The following GREB1L variants were observed in gnomAD, a reference collection of about 807,000 sequenced individuals.
GREB1L encodes GREB1 like retinoic acid receptor coactivator.
GREB1L carries 17 observed loss-of-function variants against 200.8 expected under a neutral mutation model. The ratio of observed to expected loss-of-function variants is 0.08; its 90% CI spans 0.06 to 0.13. The LOEUF is 0.13. Among genes scored for constraint, GREB1L ranks in the 10% least tolerant of loss-of-function variants. The pLI is 1.00. For missense variants in GREB1L, 1,657 were observed against 2,367.7 expected (o/e 0.70, Z 6.23); for synonymous variants, 789 against 893.0 (o/e 0.88, Z 2.08).
intron 15 of GREB1L, among the ~76,000 whole-genome samples, chr18:21,471,626 T>C (rs2035486496): frequency 3.4e-5 from 1 of 29,728 alleles, no homozygotes; most frequent in Admixed American, 3.6e-4. Flanking sequence ...GTTTCTTTTT[T>C]TTTTTTTTTT....
At chr18:21,470,703 A>G (rs887670487) in intron 15 of GREB1L, among the ~76,000 whole-genome samples, 16 of 152,236 alleles carry the variant, frequency 1.1e-4, no homozygotes, top group Non-Finnish European at 1.8e-4. Flanking sequence ...AGCCAAATAT[A>G]TATATCTCAG....
intron 1 of GREB1L, among the ~76,000 whole-genome samples, chr18:21,302,957 G>A (rs13381916): frequency 0.013 from 2,020 of 152,060 alleles, 42 homozygotes; most frequent in African/African-American, 0.046. Flanking sequence ...TCCTGACCTC[G>A]TGATCCACCC....
intron 1 of GREB1L, among the ~76,000 whole-genome samples, chr18:21,323,525 A>G (rs2038980761): frequency 6.6e-6 from 1 of 152,146 alleles, no homozygotes; most frequent in Non-Finnish European, 1.5e-5. Context: ...GCCTCACTCA[A>G]AATAAGAGGA....
Position 21,369,541 on chromosome 18 carries a change from C to T in GREB1L, c.-10+3405C>T, listed in dbSNP as rs187593077. On this transcript the variant is annotated intron_variant, in intron 2 of 32. Coordinates refer to ENST00000424526, the MANE Select transcript of GREB1L (RefSeq NM_001142966.3). ...GTACTTCTTTGTTACAAAGGAAAAA[C>T]AGCATTGTAGTCATGATAGTTTTTA... Among the ~76,000 whole-genome samples the T allele has an allele frequency of 3.4e-3, 519 of 152,178 alleles. 2 individuals are homozygous for T. Among genetic ancestry groups the T allele is most frequent in the Non-Finnish European group, 6.0e-3 (409 of 68,000 alleles).
At chr18:21,268,524 C>CATATATATATGTATAT (rs2038013930) in intron 1 of GREB1L, among the ~76,000 whole-genome samples, 1 of 72,880 alleles carries the variant, frequency 1.4e-5, no homozygotes, top group African/African-American at 5.1e-5. Flanking sequence ...TATATATATA[C>CATATATATATGTATAT]ACACACACAC....
intron 12 of GREB1L, among the ~76,000 whole-genome samples, chr18:21,450,144 G>A (rs1280477130): frequency 1.3e-5 from 2 of 152,208 alleles, no homozygotes; most frequent in Non-Finnish European, 2.9e-5. Context: ...TACTACTCTA[G>A]CATGTGATAA....
intron 15 of GREB1L, among the ~76,000 whole-genome samples, chr18:21,464,473 G>A (rs1218482756): frequency 1.3e-5 from 2 of 150,536 alleles, no homozygotes; most frequent in African/African-American, 4.9e-5. Context: ...GAATCCAAGA[G>A]GCAGAGGTTG....
intron 15 of GREB1L, among the ~76,000 whole-genome samples, chr18:21,458,935 C>G (rs1263185048): frequency 6.6e-6 from 1 of 152,108 alleles, no homozygotes; most frequent in Non-Finnish European, 1.5e-5. Context: ...AATCCAAAGG[C>G]AAGCCCATTT....
intron 4 of GREB1L, among the ~76,000 whole-genome samples, chr18:21,385,318 G>A (rs1363174360): frequency 2.0e-5 from 3 of 151,322 alleles, no homozygotes; most frequent in Non-Finnish European, 4.4e-5. Flanking sequence ...AAAACTAGAG[G>A]TTCAAATATG....
chr18:21,473,613 T>C (rs2035572847), intron 16 of GREB1L, among the ~76,000 whole-genome samples: 1 of 150,818 alleles, frequency 6.6e-6, no homozygotes, highest in South Asian at 2.1e-4. Context: ...GTGTTAAAGG[T>C]GATTCCAAAG....
intron 2 of GREB1L, among the ~76,000 whole-genome samples, chr18:21,373,000 TTTC>T (rs1259706732): frequency 1.3e-5 from 2 of 152,068 alleles, no homozygotes; most frequent in African/African-American, 2.4e-5. Context: ...GCCCAAGACA[TTTC>T]TTCTTCTTCC....
intron 27 of GREB1L, 124 bp downstream of exon 27, chr18:21,508,715 G>GA (rs35816889): frequency 0.42 from 158,205 of 375,334 alleles, 25,555 homozygotes; most frequent in Non-Finnish European, 0.48. Context: ...CCACTCTTCG[G>GA]AAAAAAAAAA....
chr18:21,493,761 G>A lies in GREB1L; in HGVS notation c.3031-1909G>A, dbSNP rs534017363. Reference sequence around the variant, plus strand: ...GGTGCCTGTAATCGCAGCTACTCAGGAGGCTGAGGCAGGAGATTCGCTTGA... The same window carrying A: ...GGTGCCTGTAATCGCAGCTACTCAGAAGGCTGAGGCAGGAGATTCGCTTGA... On this transcript the variant is annotated intron_variant, in intron 19 of 32. Coordinates refer to ENST00000424526, the MANE Select transcript of GREB1L (RefSeq NM_001142966.3). Among the ~76,000 whole-genome samples, 61 of 149,666 alleles carry A rather than the reference G, an allele frequency of 4.1e-4. No homozygotes were observed. In the South Asian group the frequency reaches 0.011, roughly 27 times the overall value.
At chr18:21,300,480 C>T (rs2038600337) in intron 1 of GREB1L, among the ~76,000 whole-genome samples, 1 of 152,212 alleles carries the variant, frequency 6.6e-6, no homozygotes, top group Admixed American at 6.5e-5. Context: ...TTGTGACTCT[C>T]TTATCCTGCT....
intron 1 of GREB1L, among the ~76,000 whole-genome samples, chr18:21,275,323 T>C (rs1331207776): frequency 1.3e-5 from 2 of 152,146 alleles, no homozygotes; most frequent in African/African-American, 4.8e-5. Context: ...AGGAAATAGG[T>C]TTAAATAAGT....
chr18:21,277,130 G>A (rs1426076466), intron 1 of GREB1L, among the ~76,000 whole-genome samples: 2 of 151,904 alleles, frequency 1.3e-5, no homozygotes, highest in Non-Finnish European at 2.9e-5. Flanking sequence ...GGGTTTCATC[G>A]TGTTAGCCAG....
chr18:21,306,456 T>A (rs2038701851), intron 1 of GREB1L, among the ~76,000 whole-genome samples: 1 of 152,204 alleles, frequency 6.6e-6, no homozygotes, highest in African/African-American at 2.4e-5. Flanking sequence ...TGCCTGTGTA[T>A]ATAAACTGGT....
intron 1 of GREB1L, among the ~76,000 whole-genome samples, chr18:21,352,862 A>G (rs1467041245): frequency 2.6e-5 from 4 of 152,174 alleles, no homozygotes; most frequent in African/African-American, 9.7e-5. Context: ...TTTATATCTT[A>G]TTAAATTATT....
chr18:21,395,696 G>A (rs1454756193), intron 5 of GREB1L, 135 bp downstream of exon 5: 3 of 590,958 alleles, frequency 5.1e-6, no homozygotes, highest in Non-Finnish European at 5.5e-6. Context: ...TCAATTATGA[G>A]ACATTTTTTC....
Sources: allele counts gnomAD v4.1 joint callset (sites outside exome capture counted in the v4.1 genomes callset), GRCh38; gene constraint gnomAD v4.1.1; transcripts MANE v1.5; gene names NCBI Gene and HGNC (gene_info 2026-07-23, HGNC 2026-07-21).